Variants in CNOT6L observed in about 807,000 individuals in gnomAD.
The protein encoded by CNOT6L is CCR4-NOT transcription complex subunit 6 like, also known as CCR4-NOT transcription complex subunit 6-like.
A neutral mutation model predicts 64.0 loss-of-function variants in CNOT6L; 7 were observed. The ratio of observed to expected loss-of-function variants is 0.11; its 90% CI spans 0.06 to 0.21. The LOEUF (loss-of-function observed/expected upper bound fraction) is 0.21. Among genes scored for constraint, CNOT6L ranks in the 10% least tolerant of loss-of-function variants. The pLI is 1.00. For synonymous variants in CNOT6L, 193 were observed against 243.4 expected (o/e 0.79, Z 1.93); for missense variants, 245 against 669.0 (o/e 0.37, Z 6.99).
chr4:77,798,834 T>C (rs1157980778), intron 1 of CNOT6L, among the ~76,000 whole-genome samples: 8 of 118,972 alleles, frequency 6.7e-5, no homozygotes, highest in Admixed American at 6.0e-4. Flanking sequence ...AAAAAAAAAA[T>C]AGCCAGGCAT....
intron 4 of CNOT6L, among the ~76,000 whole-genome samples, chr4:77,759,457 T>G (rs1725928526): frequency 6.6e-6 from 1 of 151,420 alleles, no homozygotes; most frequent in African/African-American, 2.4e-5. Flanking sequence ...CCCAGCTACT[T>G]GGGAAGCTGA....
At chr4:77,812,346 G>A (rs1733041685) in intron 1 of CNOT6L, among the ~76,000 whole-genome samples, 1 of 151,302 alleles carries the variant, frequency 6.6e-6, no homozygotes, top group African/African-American at 2.4e-5. Flanking sequence ...GCTGAGGCTG[G>A]AGAATCACTT....
At chr4:77,726,599 T>TATC (rs1386787451) in intron 10 of CNOT6L, among the ~76,000 whole-genome samples, 1 of 152,216 alleles carries the variant, frequency 6.6e-6, no homozygotes, top group Non-Finnish European at 1.5e-5. Context: ...GAACAAAATA[T>TATC]ATCAGGAACA....
chr4:77,796,469 ACT>A (rs1730867548), intron 1 of CNOT6L, among the ~76,000 whole-genome samples: 2 of 151,214 alleles, frequency 1.3e-5, no homozygotes, highest in African/African-American at 4.9e-5. Context: ...TTCCCCCTAC[ACT>A]CTCTCTCCTG....
At chr4:77,757,857 C>T (rs921089923) in intron 4 of CNOT6L, among the ~76,000 whole-genome samples, 2 of 152,094 alleles carry the variant, frequency 1.3e-5, no homozygotes, top group South Asian at 2.1e-4. Context: ...CCCGCCACCA[C>T]GCCCACTAAT....
chr4:77,784,541 A>C (rs1233749632), intron 1 of CNOT6L, among the ~76,000 whole-genome samples: 1 of 148,392 alleles, frequency 6.7e-6, no homozygotes, highest in Non-Finnish European at 1.5e-5. Context: ...TTTATCACCC[A>C]GGCTGGAGTG....
At chr4:77,788,768 T>C (rs1729753873) in intron 1 of CNOT6L, among the ~76,000 whole-genome samples, 1 of 151,508 alleles carries the variant, frequency 6.6e-6, no homozygotes, top group Non-Finnish European at 1.5e-5. Flanking sequence ...ATGCAATTGA[T>C]GAAAGAAGTG....
rs1560565851 is a variant in CNOT6L at position 77,716,870 on chromosome 4, T to C, written c.*3561A>G. ...TGCCTATGAATATCAGAAAAGTAAT[T>C]TGAAAAGAAAGAGCTTGGAACAAGG... is the stretch of plus-strand genomic sequence containing the variant. On this transcript the variant is annotated 3_prime_UTR_variant, in exon 12 of 12. Coordinates refer to ENST00000504123, the MANE Select transcript of CNOT6L (RefSeq NM_144571.3). 6.6e-6 allele frequency: 1 copy of C among 152,512 alleles called. No homozygotes were observed. Among genetic ancestry groups the C allele is most frequent in the Non-Finnish European group, 1.5e-5 (1 of 67,994 alleles). The allele number at this position is 152,512 out of a possible 1,614,324, so 9.4% of individuals were successfully genotyped here. A position where few individuals can be genotyped will look rare whatever the true frequency, so the allele number is the denominator to read the frequency against.
intron 1 of CNOT6L, among the ~76,000 whole-genome samples, chr4:77,790,713 T>A (rs1028475396): frequency 1.3e-5 from 2 of 152,058 alleles, no homozygotes; most frequent in Admixed American, 6.6e-5. Context: ...ACTTTTTTTT[T>A]AATTTTGAGA....
intron 1 of CNOT6L, among the ~76,000 whole-genome samples, chr4:77,804,169 T>C (rs571687547): frequency 1.4e-3 from 208 of 152,242 alleles, no homozygotes; most frequent in African/African-American, 4.7e-3. Context: ...GGTTCATGCC[T>C]GTAATCCCAG....
intron 4 of CNOT6L, among the ~76,000 whole-genome samples, chr4:77,768,026 T>C (rs1038423720): frequency 6.7e-6 from 1 of 149,384 alleles, no homozygotes; most frequent in African/African-American, 2.5e-5. Context: ...ATTAAAGAAT[T>C]AACTGCGAAG....
intron 1 of CNOT6L, among the ~76,000 whole-genome samples, chr4:77,780,943 T>C (rs1276523212): frequency 1.3e-5 from 2 of 152,038 alleles, no homozygotes; most frequent in South Asian, 2.1e-4. Flanking sequence ...CACTGCACTC[T>C]AGCCTGGGCA....
intron 9 of CNOT6L, among the ~76,000 whole-genome samples, chr4:77,729,875 GAC>G (rs905270956): frequency 6.6e-6 from 1 of 151,900 alleles, no homozygotes; most frequent in African/African-American, 2.4e-5. Context: ...AACATTTACT[GAC>G]AGATGTCCAT....
chr4:77,760,517 G>A (rs190667994), intron 4 of CNOT6L, among the ~76,000 whole-genome samples: 5 of 150,718 alleles, frequency 3.3e-5, no homozygotes, highest in Non-Finnish European at 7.4e-5. Context: ...ATCTAAACTC[G>A]ATAAGAACAA....
chr4:77,778,000 T>A (rs1306555212), intron 1 of CNOT6L, among the ~76,000 whole-genome samples: 3 of 152,200 alleles, frequency 2.0e-5, no homozygotes, highest in Admixed American at 6.5e-5. Context: ...TTTCCAACTT[T>A]CCAGGTTAAG....
intron 10 of CNOT6L, among the ~76,000 whole-genome samples, chr4:77,727,972 TAA>T (rs1187141048): frequency 6.6e-6 from 1 of 152,144 alleles, no homozygotes; most frequent in African/African-American, 2.4e-5. Flanking sequence ...TTACTTTAAA[TAA>T]CTTAAAATAG....
At chr4:77,741,483 T>C (rs942211511) in intron 8 of CNOT6L, among the ~76,000 whole-genome samples, 5 of 152,212 alleles carry the variant, frequency 3.3e-5, no homozygotes, top group East Asian at 1.9e-4. Context: ...TCATTTTCCA[T>C]TGCCCTGTCT....
intron 4 of CNOT6L, among the ~76,000 whole-genome samples, chr4:77,772,047 A>G (rs1727611862): frequency 6.6e-6 from 1 of 152,224 alleles, no homozygotes; most frequent in Non-Finnish European, 1.5e-5. Context: ...TAACTGAGAA[A>G]GATGGTCAGA....
intron 4 of CNOT6L, among the ~76,000 whole-genome samples, chr4:77,762,956 T>G (rs1040849493): frequency 2.6e-5 from 4 of 152,170 alleles, no homozygotes; most frequent in African/African-American, 9.7e-5. Flanking sequence ...GCAGGTCAAT[T>G]TTTAAAGTTA....
Sources: allele counts gnomAD v4.1 joint callset (sites outside exome capture counted in the v4.1 genomes callset), GRCh38; gene constraint gnomAD v4.1.1; transcripts MANE v1.5; gene names NCBI Gene and HGNC (gene_info 2026-07-23, HGNC 2026-07-21).